Variants in SYCP1 observed in about 807,000 individuals in gnomAD.
SYCP1 encodes synaptonemal complex protein 1.
In SYCP1, 64 loss-of-function variants were observed where a neutral mutation model predicts 153.1. The ratio of observed to expected loss-of-function variants is 0.42; its 90% CI spans 0.34 to 0.51. SYCP1 has a LOEUF of 0.51. SYCP1 is among the 20% of genes least tolerant of loss of function. The pLI is 0.06. For missense variants in SYCP1, 997 were observed against 1,049.0 expected, an observed-to-expected ratio of 0.95 and a Z score of 0.68; for synonymous variants, 384 against 341.8, an observed-to-expected ratio of 1.12 and a Z score of -1.36.
intron 27 of SYCP1, among the ~76,000 whole-genome samples, chr1:114,948,890 T>C (rs1670915914): frequency 6.6e-6 from 1 of 152,202 alleles, no homozygotes; most frequent in Non-Finnish European, 1.5e-5. Context: ...CAATCTTTAC[T>C]TTTTACTCTA....
intron 20 of SYCP1, among the ~76,000 whole-genome samples, chr1:114,917,611 G>A (rs1045799480): frequency 3.3e-5 from 5 of 152,024 alleles, no homozygotes; most frequent in Admixed American, 1.3e-4. Flanking sequence ...GTGTATGAGG[G>A]TTTCCTTTTT....
chr1:114,969,094 T>G (rs1458525450), intron 27 of SYCP1, among the ~76,000 whole-genome samples: 4 of 152,146 alleles, frequency 2.6e-5, no homozygotes, highest in African/African-American at 9.7e-5. Context: ...AGCTGGAGTC[T>G]TCCTATATGA....
chr1:114,958,538 T>C (rs1671575899), intron 27 of SYCP1, among the ~76,000 whole-genome samples: 1 of 152,146 alleles, frequency 6.6e-6, no homozygotes, highest in Non-Finnish European at 1.5e-5. Flanking sequence ...GATATCAAAA[T>C]ATCACATGTA....
At chr1:114,866,926 G>A (rs1278426696) in intron 8 of SYCP1, among the ~76,000 whole-genome samples, 4 of 148,440 alleles carry the variant, frequency 2.7e-5, no homozygotes, top group African/African-American at 9.9e-5. Flanking sequence ...GCATGCAGAT[G>A]TCCACTTGTT....
chr1:114,913,202 T>G, intron 19 of SYCP1, 52 bp downstream of exon 19: 1 of 1,405,264 alleles, frequency 7.1e-7, no homozygotes, highest in Non-Finnish European at 1.0e-6. Context: ...AATTAGCAGG[T>G]TAGAATAGAT....
chr1:114,857,567 T>A (rs1374389655), intron 5 of SYCP1, 70 bp downstream of exon 5: 1 of 1,099,098 alleles, frequency 9.1e-7, no homozygotes, highest in Non-Finnish European at 1.3e-6. Context: ...TATGTATATT[T>A]CTTTTGAAGC....
intron 27 of SYCP1, among the ~76,000 whole-genome samples, chr1:114,948,387 A>G (rs1035122487): frequency 6.6e-6 from 1 of 152,208 alleles, no homozygotes; most frequent in Non-Finnish European, 1.5e-5. Flanking sequence ...AGAGAGCAGA[A>G]TGACTAGATT....
chr1:114,932,733 A>G (rs2101766555), intron 23 of SYCP1, among the ~76,000 whole-genome samples: 1 of 152,330 alleles, frequency 6.6e-6, no homozygotes, highest in South Asian at 2.1e-4. Flanking sequence ...GGTCTTAGCA[A>G]ACAACACACC....
At chr1:114,983,053 A>C (rs990233936) in intron 29 of SYCP1, among the ~76,000 whole-genome samples, 1 of 151,964 alleles carries the variant, frequency 6.6e-6, no homozygotes, top group East Asian at 1.9e-4. Flanking sequence ...ATCTTTGTCA[A>C]AGGTCTCTAT....
intron 29 of SYCP1, among the ~76,000 whole-genome samples, chr1:114,983,326 T>C (rs1673285099): frequency 6.6e-6 from 1 of 152,032 alleles, no homozygotes; most frequent in Non-Finnish European, 1.5e-5. Context: ...GTTAGTCTTT[T>C]GTTTGTCCCA....
Position 114,902,558 on chromosome 1 carries a change from C to A in SYCP1, c.1320+7049C>A, listed in dbSNP as rs947609238. ...ACATAAGAGCAGGAGGGGTCAAGTT[C>A]ATCCCCCACCCCGCAAACGGCAGGA... On this transcript the variant is annotated intron_variant, in intron 16 of 31. Transcript: ENST00000369522. 6.0e-5 allele frequency among the ~76,000 whole-genome samples: 9 copies of A among 148,826 alleles called. 1 individual carries two copies. Among genetic ancestry groups the A allele is most frequent in the Non-Finnish European group, 7.4e-5 (5 of 68,024 alleles).
chr1:114,926,376 TG>T, intron 22 of SYCP1, 36 bp downstream of exon 22: 1 of 1,507,092 alleles, frequency 6.6e-7, no homozygotes, highest in Non-Finnish European at 8.9e-7. Flanking sequence ...AAAATCAAAC[TG>T]ATATTTTCAC....
intron 27 of SYCP1, among the ~76,000 whole-genome samples, chr1:114,959,221 C>T (rs1351305605): frequency 6.6e-6 from 1 of 152,092 alleles, no homozygotes; most frequent in Non-Finnish European, 1.5e-5. Flanking sequence ...TTGAGGTGAT[C>T]ATGTGGGTTT....
At position 114,994,987 on chromosome 1, in the gene SYCP1, A is replaced by G. The variant is rs1362986476; in HGVS notation, c.2899A>G (p.Lys967Glu). The change falls in exon 32 of 32, where the codon AAA becomes GAA. Residue 967 changes from lysine (K) to glutamate (E), a missense_variant. Coordinates refer to ENST00000369522, the MANE Select transcript of SYCP1 (RefSeq NM_003176.4). ...AVIAKMDRKK[K>E]LKEAEKLFV is the part of the protein sequence containing the mutation. The stretch of plus-strand genomic sequence containing the variant: ...AATTGCTAAAATGGATAGAAAAAAA[A>G]AACTAAAAGAAGCTGAAAAGTTATT... 2 of 1,602,592 alleles carry G rather than the reference A, an allele frequency of 1.2e-6. No homozygotes were observed.
At chr1:114,994,811 A>G (rs758235721) in intron 31 of SYCP1, 24 bp downstream of exon 31, 1 of 1,572,694 alleles carries the variant, frequency 6.4e-7, no homozygotes, top group South Asian at 1.2e-5. Flanking sequence ...TTTATTTCAG[A>G]AAGCAAATTT....
chr1:114,923,522 G>T lies in SYCP1; in HGVS notation c.1792G>T (p.Glu598Ter). Reference sequence around the variant, plus strand: ...AGTTAAATGTAAATTGGACAAGAGTGAAGAAAATGTATGTTATATTTAATA... The same window carrying T: ...AGTTAAATGTAAATTGGACAAGAGTTAAGAAAATGTATGTTATATTTAATA... ...DEVKCKLDKS[E>*]ENCNNLRKQV... is the part of the protein sequence containing the mutation. Residue 598 changes from glutamate to a stop codon, truncating the protein, a stop_gained, in exon 21 of 32, where the codon GAA (glutamate) becomes TAA (stop). Transcript: ENST00000369522. LOFTEE classifies it high-confidence loss of function. 2 of 1,585,902 alleles carry T rather than the reference G, an allele frequency of 1.3e-6. No individual in the cohort carries two copies. The highest frequency in any genetic ancestry group is 1.1e-5 in the South Asian group (1 of 88,106).
intron 16 of SYCP1, among the ~76,000 whole-genome samples, chr1:114,908,372 C>T (rs967310433): frequency 4.6e-5 from 7 of 152,130 alleles, no homozygotes; most frequent in Non-Finnish European, 8.8e-5. Flanking sequence ...TTGAGATTCA[C>T]TGCACTTCAT....
chr1:114,921,964 C>T (rs1364999259), intron 20 of SYCP1, among the ~76,000 whole-genome samples: 1 of 152,042 alleles, frequency 6.6e-6, no homozygotes, highest in Non-Finnish European at 1.5e-5. Context: ...ATGTCATGAC[C>T]CTCTCTGGGC....
At chr1:114,874,312 G>T (rs536417290) in intron 8 of SYCP1, among the ~76,000 whole-genome samples, 194 bp from the exon 9 acceptor site, 1 of 152,258 alleles carries the variant, frequency 6.6e-6, no homozygotes, top group South Asian at 2.1e-4. Flanking sequence ...TGACTTCTAA[G>T]CTTCTTCACA....
Sources: allele counts gnomAD v4.1 joint callset (sites outside exome capture counted in the v4.1 genomes callset), GRCh38; gene constraint gnomAD v4.1.1; transcripts MANE v1.5; gene names NCBI Gene and HGNC (gene_info 2026-07-23, HGNC 2026-07-21).